DSCAM: variants seen among roughly 807,000 people sequenced by gnomAD.
DSCAM encodes the protein cell adhesion molecule DSCAM.
Under a neutral mutation model 217.7 loss-of-function variants are expected in DSCAM, and 47 were observed. The ratio of observed to expected loss-of-function variants is 0.22; its 90% confidence interval spans 0.17 to 0.28. The LOEUF is 0.28. Among genes scored for constraint, DSCAM ranks in the 10% least tolerant of loss-of-function variants. The pLI, the probability that DSCAM is intolerant of heterozygous loss-of-function variation, is 1.00. For synonymous variants in DSCAM, 1,056 were observed against 1,015.3 expected (o/e 1.04, Z -0.76); for missense variants, 2,080 against 2,618.3 (o/e 0.79, Z 4.49).
intron 5 of DSCAM, among the ~76,000 whole-genome samples, chr21:40,350,589 A>G: frequency 6.6e-6 from 1 of 152,178 alleles, no homozygotes; most frequent in Non-Finnish European, 1.5e-5. Context: ...AATGGCTGTA[A>G]TAACCAACCA....
chr21:40,275,232 A>C lies in DSCAM; in HGVS notation c.2356+865T>G, dbSNP rs369678932. Among the ~76,000 whole-genome samples, 43 of 152,100 alleles carry C rather than the reference A, an allele frequency of 2.8e-4. No individual in the cohort carries two copies. In the South Asian group the frequency reaches 6.0e-3, roughly 21 times the overall value. On this transcript the variant is annotated intron_variant, in intron 11 of 32. Coordinates refer to ENST00000400454, the MANE Select transcript of DSCAM (RefSeq NM_001389.5). ...GTAGTCTTAGCTACTAAGAAAGCTGAGGTGGGAGAATCCCTTGAGCTCAGG... is the reference window on the plus strand; with the variant it reads ...GTAGTCTTAGCTACTAAGAAAGCTGCGGTGGGAGAATCCCTTGAGCTCAGG...
intron 30 of DSCAM, among the ~76,000 whole-genome samples, chr21:40,051,178 C>A (rs2088924885): frequency 2.0e-5 from 3 of 152,088 alleles, no homozygotes; most frequent in South Asian, 4.1e-4. Flanking sequence ...GATTTGAAAG[C>A]TAGACGTCAA....
intron 1 of DSCAM, among the ~76,000 whole-genome samples, chr21:40,745,258 A>C (rs546123955): frequency 6.6e-6 from 1 of 152,306 alleles, no homozygotes; most frequent in African/African-American, 2.4e-5. Flanking sequence ...AATCGCTAAG[A>C]TATTCCTAAA....
intron 3 of DSCAM, among the ~76,000 whole-genome samples, chr21:40,542,823 A>T (rs188939633): frequency 4.6e-5 from 7 of 152,178 alleles, no homozygotes; most frequent in African/African-American, 1.4e-4. Flanking sequence ...TTAAAATCCT[A>T]GTTATTAAAT....
intron 27 of DSCAM, among the ~76,000 whole-genome samples, chr21:40,074,618 G>A (rs1453921736): frequency 6.6e-6 from 1 of 152,168 alleles, no homozygotes; most frequent in African/African-American, 2.4e-5. Context: ...GCCTCACAAT[G>A]CTTCACCAGT....
intron 3 of DSCAM, among the ~76,000 whole-genome samples, chr21:40,536,551 A>G (rs8128883): frequency 0.029 from 4,392 of 151,924 alleles, 153 homozygotes; most frequent in African/African-American, 0.075. Context: ...ACAGGCGCCC[A>G]CCACCACGCC....
intron 1 of DSCAM, among the ~76,000 whole-genome samples, chr21:40,790,519 T>A (rs2091632650): frequency 6.6e-6 from 1 of 152,234 alleles, no homozygotes; most frequent in Admixed American, 6.5e-5. Flanking sequence ...CCCTCTGCAA[T>A]GAAATTGCTT....
At chr21:40,089,501 C>T (rs1354384248) in intron 21 of DSCAM, among the ~76,000 whole-genome samples, 1 of 152,190 alleles carries the variant, frequency 6.6e-6, no homozygotes, top group Non-Finnish European at 1.5e-5. Flanking sequence ...GGAGGGGCTT[C>T]CCCCAGGACC....
At chr21:40,380,673 T>C (rs1453459972) in intron 3 of DSCAM, among the ~76,000 whole-genome samples, 1 of 152,092 alleles carries the variant, frequency 6.6e-6, no homozygotes, top group East Asian at 1.9e-4. Context: ...GGATTATTCA[T>C]GGATAAGTAG....
chr21:40,653,103 T>A (rs1158267225), intron 3 of DSCAM, among the ~76,000 whole-genome samples: 1 of 152,228 alleles, frequency 6.6e-6, no homozygotes, highest in Admixed American at 6.5e-5. Context: ...TTTCCTGGAC[T>A]CCTTCCTATG....
intron 1 of DSCAM, among the ~76,000 whole-genome samples, chr21:40,725,128 C>G (rs539306233): frequency 3.3e-5 from 5 of 152,336 alleles, no homozygotes; most frequent in Admixed American, 3.3e-4. Context: ...CTGGCTTCCT[C>G]TAGTATGACT....
chr21:40,546,134 T>TAGG lies in DSCAM; in HGVS notation c.508+146673_508+146675dup, dbSNP rs2146143754. ...ACTCAGCGGGTACATTCTCCCCTCC[T>TAGG]AGGACACAAGCATTTTTAAAGAGGG... On this transcript the variant is annotated intron_variant, in intron 3 of 32. Coordinates refer to ENST00000400454, the MANE Select transcript of DSCAM (RefSeq NM_001389.5). 1.3e-5 allele frequency among the ~76,000 whole-genome samples: 2 copies of TAGG among 152,348 alleles called. 1 individual carries two copies. The highest frequency in any genetic ancestry group is 4.1e-4 in the South Asian group (2 of 4,828).
At chr21:40,740,280 T>G (rs1463921527) in intron 1 of DSCAM, among the ~76,000 whole-genome samples, 5 of 152,186 alleles carry the variant, frequency 3.3e-5, no homozygotes, top group Non-Finnish European at 1.5e-5. Flanking sequence ...CAGGTTTTAC[T>G]GCAGCCACTT....
At chr21:40,245,480 G>A (rs754749679) in intron 11 of DSCAM, among the ~76,000 whole-genome samples, 1 of 152,164 alleles carries the variant, frequency 6.6e-6, no homozygotes, top group Non-Finnish European at 1.5e-5. Context: ...TGAGGTTCCC[G>A]GGGCTGGGAT....
intron 9 of DSCAM, among the ~76,000 whole-genome samples, chr21:40,297,021 T>G (rs986251661): frequency 2.6e-5 from 4 of 152,126 alleles, no homozygotes; most frequent in Non-Finnish European, 5.9e-5. Context: ...AATGTGGGAC[T>G]GAACTTTTCC....
intron 16 of DSCAM, among the ~76,000 whole-genome samples, chr21:40,150,351 T>C (rs945311536): frequency 5.9e-5 from 9 of 152,262 alleles, no homozygotes; most frequent in Non-Finnish European, 1.2e-4. Context: ...GAAAATTGTA[T>C]ATTTTTATGC....
At chr21:40,038,885 G>T (rs948136830) in intron 32 of DSCAM, among the ~76,000 whole-genome samples, 3 of 151,170 alleles carry the variant, frequency 2.0e-5, no homozygotes, top group African/African-American at 7.3e-5. Context: ...GATGAAATTG[G>T]AAATCATCAT....
chr21:40,098,216 A>AT (rs1359182729), intron 20 of DSCAM, among the ~76,000 whole-genome samples: 2 of 152,162 alleles, frequency 1.3e-5, no homozygotes, highest in African/African-American at 4.8e-5. Flanking sequence ...GAACATAACA[A>AT]TTCTAAACAT....
rs2091634456 is a variant in DSCAM, at chr21:40,790,693, C to T, written c.43+55926G>A. Among the ~76,000 whole-genome samples the T allele has an allele frequency of 3.9e-5, 6 of 152,122 alleles. No homozygotes were observed. In the South Asian group the frequency reaches 1.2e-3, roughly 32 times the overall value. Reference sequence around the variant, plus strand: ...GTGCATGCAAGCCTGAGAATGTTGTCTCTAGTGTAACACAGCATCACAGAT... The same window carrying T: ...GTGCATGCAAGCCTGAGAATGTTGTTTCTAGTGTAACACAGCATCACAGAT... On this transcript the variant is annotated intron_variant, in intron 1 of 32. Coordinates refer to ENST00000400454, the MANE Select transcript of DSCAM (RefSeq NM_001389.5).
Sources: gnomAD v4.1 joint callset for allele counts (sites outside exome capture counted in the v4.1 genomes callset) on GRCh38, gnomAD v4.1.1 for gene constraint, MANE v1.5 for transcripts, NCBI Gene and HGNC (gene_info 2026-07-23, HGNC 2026-07-21) for gene names.